PDE4B: variants seen among roughly 807,000 people sequenced by gnomAD.
The protein encoded by PDE4B is phosphodiesterase 4B, also known as 3',5'-cyclic-AMP phosphodiesterase 4B.
A neutral mutation model predicts 82.2 loss-of-function variants in PDE4B; 20 were observed. That is an observed-to-expected ratio of 0.24 (90% confidence interval 0.17 to 0.35). PDE4B has a LOEUF of 0.35. Among genes scored for constraint, PDE4B ranks in the 10% least tolerant of loss-of-function variants. PDE4B has a pLI of 1.00. For synonymous variants in PDE4B, 320 were observed against 318.9 expected, an observed-to-expected ratio of 1.00 and a Z score of -0.04; for missense variants, 655 against 907.2, an observed-to-expected ratio of 0.72 and a Z score of 3.57.
chr1:65,885,188 G>A (rs202021483), intron 1 of PDE4B, among the ~76,000 whole-genome samples: 25,882 of 151,858 alleles, frequency 0.17, 2,796 homozygotes, highest in South Asian at 0.38. Context: ...TTAGAATGGT[G>A]ATCATTAAAA....
intron 7 of PDE4B, chr1:66,331,899 T>A (rs534879652): frequency 1.0e-6 from 1 of 989,336 alleles, no homozygotes; most frequent in East Asian, 1.1e-4. Context: ...AGGAATAGCC[T>A]ATGCCTCTTA....
chr1:66,219,680 A>G (rs1650810377), intron 3 of PDE4B, among the ~76,000 whole-genome samples: 2 of 152,196 alleles, frequency 1.3e-5, no homozygotes. Context: ...CACAGAGTTC[A>G]AATTATCCAA....
At chr1:66,235,524 G>T (rs1652339027) in intron 3 of PDE4B, among the ~76,000 whole-genome samples, 1 of 151,846 alleles carries the variant, frequency 6.6e-6, no homozygotes, top group Non-Finnish European at 1.5e-5. Context: ...CTAGATTTCT[G>T]ATGATTAGTG....
intron 3 of PDE4B, among the ~76,000 whole-genome samples, chr1:66,192,125 G>A (rs567313663): frequency 6.6e-6 from 1 of 152,110 alleles, no homozygotes; most frequent in Non-Finnish European, 1.5e-5. Flanking sequence ...GGCTTACTTG[G>A]TAAGTATTTA....
At chr1:66,193,389 A>G (rs1311791231) in intron 3 of PDE4B, among the ~76,000 whole-genome samples, 1 of 152,170 alleles carries the variant, frequency 6.6e-6, no homozygotes, top group Non-Finnish European at 1.5e-5. Context: ...CAAATCAATG[A>G]TGGAATGATA....
chr1:66,079,769 C>T (rs184031536), intron 3 of PDE4B, among the ~76,000 whole-genome samples: 1 of 152,024 alleles, frequency 6.6e-6, no homozygotes, highest in African/African-American at 2.4e-5. Flanking sequence ...TGAGACAGAA[C>T]TGAGAATGAA....
chr1:66,372,782 C>T lies in PDE4B; in HGVS notation c.*104C>T, dbSNP rs1038808692. On this transcript the variant is annotated 3_prime_UTR_variant, in exon 17 of 17. Coordinates refer to ENST00000341517, the MANE Select transcript of PDE4B (RefSeq NM_002600.4). Reference sequence around the variant, plus strand: ...GGCCAAGACCTGCACAGGACAAGGGCCACCTGGCCTTTCAGTTACTTGAGT... The same window carrying T: ...GGCCAAGACCTGCACAGGACAAGGGTCACCTGGCCTTTCAGTTACTTGAGT... 2.0e-5 allele frequency: 23 copies of T among 1,175,348 alleles called. No individual in the cohort carries two copies. The highest frequency in any genetic ancestry group is 2.8e-5 in the Non-Finnish European group (23 of 834,988). 72.8% of individuals were successfully genotyped at this position (1,175,348 alleles called of 1,614,324 possible). A position where few individuals can be genotyped will look rare whatever the true frequency, so the allele number is the denominator to read the frequency against.
chr1:66,205,570 T>C (rs951973230), intron 3 of PDE4B, among the ~76,000 whole-genome samples: 3 of 152,236 alleles, frequency 2.0e-5, no homozygotes, highest in Non-Finnish European at 2.9e-5. Context: ...TAGCAAGTGC[T>C]GCATTGCTGT....
chr1:66,133,741 C>T (rs1645998987), intron 3 of PDE4B, among the ~76,000 whole-genome samples: 1 of 152,192 alleles, frequency 6.6e-6, no homozygotes, highest in African/African-American at 2.4e-5. Flanking sequence ...CCATCTCCTT[C>T]CTGGTGTCTT....
At chr1:66,294,166 A>G (rs1657322721) in intron 7 of PDE4B, among the ~76,000 whole-genome samples, 1 of 152,082 alleles carries the variant, frequency 6.6e-6, no homozygotes, top group South Asian at 2.1e-4. Flanking sequence ...AGATTGCACC[A>G]TTGCACTCCA....
intron 1 of PDE4B, among the ~76,000 whole-genome samples, chr1:65,856,692 A>G (rs1276191592): frequency 6.6e-6 from 1 of 152,148 alleles, no homozygotes; most frequent in Non-Finnish European, 1.5e-5. Context: ...TTGGGTATAT[A>G]CTCAGTAAGG....
At chr1:65,846,969 A>G (rs1238970335) in intron 1 of PDE4B, among the ~76,000 whole-genome samples, 1 of 152,204 alleles carries the variant, frequency 6.6e-6, no homozygotes, top group Non-Finnish European at 1.5e-5. Flanking sequence ...CAATGTGGGA[A>G]GAACTGTAAC....
At chr1:66,177,754 AGGCCTCT>A (rs1457322337) in intron 3 of PDE4B, among the ~76,000 whole-genome samples, 3 of 152,168 alleles carry the variant, frequency 2.0e-5, no homozygotes. Context: ...ATTTACTGTT[AGGCCTCT>A]GGTGTTTTAT....
chr1:65,987,968 C>T (rs1453698321), intron 3 of PDE4B, among the ~76,000 whole-genome samples: 2 of 152,190 alleles, frequency 1.3e-5, no homozygotes, highest in Admixed American at 1.3e-4. Context: ...AAATAATGTA[C>T]ATTTGGTCTA....
intron 3 of PDE4B, among the ~76,000 whole-genome samples, chr1:66,090,647 GTATATATA>G (rs1557553437): frequency 4.4e-5 from 3 of 68,126 alleles, no homozygotes; most frequent in African/African-American, 2.3e-4. Flanking sequence ...GTGTATGTAC[GTATATATA>G]TGTATGTATA....
chr1:65,985,699 C>T (rs1431772127), intron 3 of PDE4B, among the ~76,000 whole-genome samples: 1 of 152,036 alleles, frequency 6.6e-6, no homozygotes, highest in Non-Finnish European at 1.5e-5. Flanking sequence ...CTCATCCTTG[C>T]TAATATATCT....
chr1:66,048,411 G>T (rs1211341443), intron 3 of PDE4B, among the ~76,000 whole-genome samples: 1 of 151,822 alleles, frequency 6.6e-6, no homozygotes, highest in Non-Finnish European at 1.5e-5. Flanking sequence ...TATGACTTGG[G>T]GATGCTGGTG....
intron 3 of PDE4B, among the ~76,000 whole-genome samples, chr1:65,938,573 C>T (rs1382100403): frequency 6.6e-6 from 1 of 152,120 alleles, no homozygotes; most frequent in South Asian, 2.1e-4. Context: ...GGCCTGTGCC[C>T]TTTCCTTAGT....
intron 3 of PDE4B, among the ~76,000 whole-genome samples, chr1:66,016,522 A>G (rs902463895): frequency 2.6e-5 from 4 of 152,224 alleles, no homozygotes; most frequent in Admixed American, 2.6e-4. Flanking sequence ...GGAAGAGTAT[A>G]TATTAGAGAT....
Sources: allele counts gnomAD v4.1 joint callset (sites outside exome capture counted in the v4.1 genomes callset), GRCh38; gene constraint gnomAD v4.1.1; transcripts MANE v1.5; gene names NCBI Gene and HGNC (gene_info 2026-07-23, HGNC 2026-07-21).